The following SOX6 variants were observed in gnomAD, a reference collection of about 807,000 sequenced individuals.
The protein encoded by SOX6 is SRY-box transcription factor 6.
SOX6 carries 11 observed loss-of-function variants against 97.8 expected under a neutral mutation model. That is an observed-to-expected ratio of 0.11 (90% CI 0.07 to 0.19). The LOEUF is 0.19. Among genes scored for constraint, SOX6 ranks in the 10% least tolerant of loss-of-function variants. SOX6 has a pLI of 1.00. For synonymous variants in SOX6, 360 were observed against 371.4 expected (o/e 0.97, Z 0.35); for missense variants, 810 against 1,039.5 (o/e 0.78, Z 3.04).
In SOX6 at chr11:16,325,989, C is replaced by A. The variant is rs73423302; in HGVS notation, c.238-7336G>T. On this transcript the variant is annotated intron_variant, in intron 2 of 15. Coordinates refer to ENST00000683767, the MANE Select transcript of SOX6 (RefSeq NM_001367873.1). ...CTTCACCAGACACCAGACACCAAAC[C>A]TGCTGGTGCCTTGATCTTGGACTTC... Among the ~76,000 whole-genome samples, 404 of 152,298 alleles carry A rather than the reference C, an allele frequency of 2.7e-3. 1 individual carries two copies. The highest frequency in any genetic ancestry group is 9.3e-3 in the African/African-American group (387 of 41,576).
At chr11:16,102,010 G>C (rs1028532242) in intron 7 of SOX6, among the ~76,000 whole-genome samples, 11 of 151,816 alleles carry the variant, frequency 7.2e-5, no homozygotes, top group Non-Finnish European at 1.2e-4. Context: ...ATTCAACATA[G>C]TACTGGAAGT....
Position 16,017,001 on chromosome 11 carries a change from G to GTAAAA in SOX6, c.1624-1956_1624-1952dup, listed in dbSNP as rs553262478. Among the ~76,000 whole-genome samples, 669 of 151,588 alleles carry GTAAAA rather than the reference G, an allele frequency of 4.4e-3. 3 individuals carry two copies. Among genetic ancestry groups the GTAAAA allele is most frequent in the Non-Finnish European group, 5.5e-3 (372 of 67,854 alleles). On this transcript the variant is annotated intron_variant, in intron 12 of 15. Transcript: ENST00000683767. The stretch of plus-strand genomic sequence containing the variant: ...TTGATTTTACTGGAAAATATTCTCA[G>GTAAAA]TAAAATAAAATAAAATAAAATAAAG...
chr11:16,603,964 C>T (rs1188051771), intron 4 of SOX6, among the ~76,000 whole-genome samples: 1 of 152,228 alleles, frequency 6.6e-6, no homozygotes, highest in Non-Finnish European at 1.5e-5. Flanking sequence ...CGGCCAAGCC[C>T]GTGCCTGCGG....
chr11:16,011,977 T>G (rs1854744332), intron 13 of SOX6, among the ~76,000 whole-genome samples: 3 of 152,066 alleles, frequency 2.0e-5, no homozygotes, highest in Admixed American at 2.0e-4. Flanking sequence ...TTTAATCTTC[T>G]GTCTTTCCTC....
At chr11:16,220,536 C>A (rs1177875860) in intron 4 of SOX6, among the ~76,000 whole-genome samples, 1 of 151,954 alleles carries the variant, frequency 6.6e-6, no homozygotes, top group African/African-American at 2.4e-5. Flanking sequence ...ATGATTATAC[C>A]AATTTCTGGG....
At chr11:15,999,499 A>G (rs896349856) in intron 13 of SOX6, among the ~76,000 whole-genome samples, 2 of 152,140 alleles carry the variant, frequency 1.3e-5, no homozygotes, top group African/African-American at 4.8e-5. Context: ...TCAAAATAAA[A>G]CTATTGTAAC....
At chr11:16,480,289 G>A (rs1460761523), upstream of SOX6, among the ~76,000 whole-genome samples, 2 of 152,062 alleles carry the variant, frequency 1.3e-5, no homozygotes, top group Non-Finnish European at 2.9e-5. Flanking sequence ...ATGCCAAAAT[G>A]AGGAAGATAT....
At chr11:16,159,301 T>G (rs1203307030) in intron 6 of SOX6, among the ~76,000 whole-genome samples, 6 of 152,136 alleles carry the variant, frequency 3.9e-5, no homozygotes, top group African/African-American at 1.4e-4. Flanking sequence ...GATCAGTTCA[T>G]TTGAGGATTC....
In SOX6 at chr11:16,046,627, G is replaced by A. The variant is rs756030748; in HGVS notation, c.1510C>T (p.Arg504Trp). The change falls in exon 12 of 16, where the codon CGG becomes TGG. Residue 504 changes from arginine to tryptophan, a missense_variant. This residue lies in a region of SOX6 where 120 missense variants were observed against 127.0 expected (regional missense o/e 0.94). Transcript: ENST00000683767. ...DTVMKAIQEA[R>W]KMREQIQREQ... is the part of the protein sequence containing the mutation. ...CGCTGGATCTGCTCTCGCATCTTCC[G>A]CGCCTCCTGAATGGCTTTCATCACT... 9.9e-6 allele frequency: 16 copies of A among 1,613,738 alleles called. No homozygotes were observed. Among genetic ancestry groups the A allele is most frequent in the African/African-American group, 1.3e-5 (1 of 74,996 alleles).
intron 1 of SOX6, chr11:16,408,876 A>ACC (rs1445534923): frequency 6.6e-6 from 1 of 152,082 alleles, no homozygotes; most frequent in South Asian, 2.1e-4. Context: ...ACTAAAACTA[A>ACC]CCCCAAGGAA....
At chr11:16,416,211 A>C (rs908225718) in intron 1 of SOX6, among the ~76,000 whole-genome samples, 2 of 152,208 alleles carry the variant, frequency 1.3e-5, no homozygotes, top group African/African-American at 4.8e-5. Flanking sequence ...ACAGAAAGAA[A>C]AGCATGTTCA....
At chr11:16,090,650 T>G (rs1365547440) in intron 9 of SOX6, among the ~76,000 whole-genome samples, 2 of 151,746 alleles carry the variant, frequency 1.3e-5, no homozygotes, top group Non-Finnish European at 2.9e-5. Flanking sequence ...AAAAAAAGGT[T>G]TTCAAAGGAG....
At chr11:16,153,282 A>G (rs540435139) in intron 6 of SOX6, among the ~76,000 whole-genome samples, 1 of 152,314 alleles carries the variant, frequency 6.6e-6, no homozygotes, top group Admixed American at 6.5e-5. Flanking sequence ...TGTTGGGATT[A>G]CAGGCAGGAG....
At chr11:16,574,725 A>G (rs776831598) in intron 4 of SOX6, among the ~76,000 whole-genome samples, 41 of 152,170 alleles carry the variant, frequency 2.7e-4, no homozygotes, top group Non-Finnish European at 5.3e-4. Flanking sequence ...ACAGAATTGT[A>G]TAGAATTTAT....
intron 1 of SOX6, among the ~76,000 whole-genome samples, chr11:16,423,211 G>T (rs1323516932): frequency 6.6e-6 from 1 of 152,114 alleles, no homozygotes; most frequent in Non-Finnish European, 1.5e-5. Flanking sequence ...ACTCTTCAAG[G>T]CCTTTCTATA....
intron 4 of SOX6, among the ~76,000 whole-genome samples, chr11:16,234,005 CAAAAA>C (rs751876773): frequency 3.6e-5 from 2 of 55,960 alleles, no homozygotes; most frequent in Non-Finnish European, 7.7e-5. Context: ...GACTGCATCT[CAAAAA>C]AAAAAAAAAA....
intron 3 of SOX6, among the ~76,000 whole-genome samples, chr11:16,254,994 C>A (rs1853642198): frequency 6.6e-6 from 1 of 151,930 alleles, no homozygotes; most frequent in Admixed American, 6.6e-5. Flanking sequence ...ACAAAGCAGA[C>A]TTCAGAACAA....
At chr11:16,359,710 T>C (rs190803104), upstream of SOX6, among the ~76,000 whole-genome samples, 1 of 151,982 alleles carries the variant, frequency 6.6e-6, no homozygotes, top group Non-Finnish European at 1.5e-5. Flanking sequence ...ATGAAGCGAG[T>C]AGGGAACGAA....
intron 4 of SOX6, among the ~76,000 whole-genome samples, chr11:16,204,662 A>T (rs1046543656): frequency 6.6e-6 from 1 of 152,138 alleles, no homozygotes; most frequent in Non-Finnish European, 1.5e-5. Context: ...TGATTAATCT[A>T]TATCTGGAGG....
Sources: gnomAD v4.1 joint callset for allele counts (sites outside exome capture counted in the v4.1 genomes callset) on GRCh38, gnomAD v4.1.1 for gene constraint, gnomAD v4.1.1 regional missense constraint, MANE v1.5 for transcripts, NCBI Gene and HGNC (gene_info 2026-07-23, HGNC 2026-07-21) for gene names.